PTPN4: variants seen among roughly 807,000 people sequenced by gnomAD.
PTPN4 encodes tyrosine-protein phosphatase non-receptor type 4.
Under a neutral mutation model 135.5 loss-of-function variants are expected in PTPN4, and 49 were observed. The observed-to-expected ratio is 0.36, with a 90% CI of 0.29 to 0.46. The LOEUF is 0.46. PTPN4 is among the 20% of genes least tolerant of loss of function. PTPN4 has a pLI of 1.00. For synonymous variants in PTPN4, 333 were observed against 369.9 expected (o/e 0.90, Z 1.14); for missense variants, 860 against 1,101.0 (o/e 0.78, Z 3.10).
chr2:119,847,054 A>C (rs979276201), intron 2 of PTPN4, among the ~76,000 whole-genome samples: 1 of 150,710 alleles, frequency 6.6e-6, no homozygotes, highest in Non-Finnish European at 1.5e-5. Flanking sequence ...TTAGCCTTCT[A>C]TTGATCATTT....
chr2:119,915,571 A>G (rs1678641294), intron 11 of PTPN4: 1 of 171,212 alleles, frequency 5.8e-6, no homozygotes, highest in African/African-American at 2.4e-5. Context: ...TTTCCCTACT[A>G]AATCTATAGT....
chr2:119,786,261 A>AT (rs1317490071), intron 1 of PTPN4, among the ~76,000 whole-genome samples: 1 of 152,156 alleles, frequency 6.6e-6, no homozygotes, highest in African/African-American at 2.4e-5. Flanking sequence ...TATGACTCGT[A>AT]TTTTTTGTGT....
intron 26 of PTPN4, among the ~76,000 whole-genome samples, chr2:119,970,057 A>G (rs1205392063): frequency 6.6e-6 from 1 of 151,184 alleles, no homozygotes; most frequent in Non-Finnish European, 1.5e-5. Context: ...TTTTATTTTT[A>G]TTTTATTTTT....
In PTPN4 at chr2:119,887,662, A is replaced by T. The variant is rs143118311; in HGVS notation, c.675+1780A>T. Among the ~76,000 whole-genome samples the T allele has an allele frequency of 1.2e-4, 19 of 152,096 alleles. No homozygotes were observed. The East Asian group carries it at 3.5e-3, about 28-fold the overall frequency. ...CTTTCCCCAATGTAAGTTCTTGTTGACTTTGTTGAAGATCAGTTGGCTGTA... is the reference window on the plus strand; with the variant it reads ...CTTTCCCCAATGTAAGTTCTTGTTGTCTTTGTTGAAGATCAGTTGGCTGTA... On this transcript the variant is annotated intron_variant, in intron 9 of 26. Coordinates refer to ENST00000263708, the MANE Select transcript of PTPN4 (RefSeq NM_002830.4).
intron 2 of PTPN4, among the ~76,000 whole-genome samples, chr2:119,850,364 G>A (rs1365363986): frequency 1.3e-5 from 2 of 152,214 alleles, no homozygotes; most frequent in Non-Finnish European, 2.9e-5. Context: ...AGGCAAGGGT[G>A]ATTAGGGCTC....
At chr2:119,841,434 C>T (rs1278961868) in intron 2 of PTPN4, among the ~76,000 whole-genome samples, 1 of 152,120 alleles carries the variant, frequency 6.6e-6, no homozygotes, top group African/African-American at 2.4e-5. Context: ...TTACCTGCTA[C>T]TTTTCCTCTT....
chr2:119,844,349 A>G (rs1412309013), intron 2 of PTPN4, among the ~76,000 whole-genome samples: 2 of 113,954 alleles, frequency 1.8e-5, no homozygotes, highest in South Asian at 3.2e-4. Flanking sequence ...CGGGGGGCTG[A>G]CCCCCCCCCC....
At chr2:119,973,655 G>GTTT (rs70949378) in intron 26 of PTPN4, among the ~76,000 whole-genome samples, 3,515 of 38,324 alleles carry the variant, frequency 0.092, 1,046 homozygotes, top group East Asian at 0.16. Flanking sequence ...TTCATTTCTT[G>GTTT]TTTTTTTTTT....
At chr2:119,962,454 CAA>C (rs556358919) in intron 23 of PTPN4, among the ~76,000 whole-genome samples, 160 bp from the exon 24 acceptor site, 1 of 107,154 alleles carries the variant, frequency 9.3e-6, no homozygotes, top group Admixed American at 9.7e-5. Context: ...AACTCCATCG[CAA>C]AAAAAAAAAA....
At chr2:119,764,777 G>A (rs1038995966) in intron 1 of PTPN4, among the ~76,000 whole-genome samples, 2 of 151,944 alleles carry the variant, frequency 1.3e-5, no homozygotes, top group African/African-American at 4.8e-5. Context: ...ACTTTTAAAA[G>A]TTGCTAATTT....
chr2:119,778,790 A>G (rs1690885707), intron 1 of PTPN4, among the ~76,000 whole-genome samples: 1 of 152,184 alleles, frequency 6.6e-6, no homozygotes, highest in African/African-American at 2.4e-5. Context: ...GGTCGGTAAC[A>G]ATTGAGTAGA....
intron 1 of PTPN4, chr2:119,771,702 C>G (rs943897145): frequency 6.6e-6 from 1 of 152,168 alleles, no homozygotes; most frequent in Non-Finnish European, 1.5e-5. Context: ...CCTCTTCTCC[C>G]CTAATTTTCC....
intron 2 of PTPN4, among the ~76,000 whole-genome samples, chr2:119,834,013 T>C (rs1271410571): frequency 6.6e-6 from 1 of 152,220 alleles, no homozygotes; most frequent in East Asian, 1.9e-4. Flanking sequence ...CCCTCTCTTT[T>C]TTCCAGTGCC....
chr2:119,859,731 T>A (rs1004278483), intron 2 of PTPN4, among the ~76,000 whole-genome samples: 2 of 152,318 alleles, frequency 1.3e-5, no homozygotes, highest in Middle Eastern at 3.4e-3. Flanking sequence ...AGAGGAGATA[T>A]TATGAAGTAC....
chr2:119,870,381 A>G (rs1677893432), intron 3 of PTPN4, among the ~76,000 whole-genome samples: 2 of 152,194 alleles, frequency 1.3e-5, no homozygotes, highest in Non-Finnish European at 2.9e-5. Flanking sequence ...CATAATGAGG[A>G]ATGCTCAGTA....
At chr2:119,836,239 T>C (rs1677292033) in intron 2 of PTPN4, among the ~76,000 whole-genome samples, 1 of 152,224 alleles carries the variant, frequency 6.6e-6, no homozygotes, top group Non-Finnish European at 1.5e-5. Flanking sequence ...ATTATTATAG[T>C]TAAAGCTAGG....
intron 1 of PTPN4, among the ~76,000 whole-genome samples, chr2:119,782,888 T>C (rs1426245862): frequency 6.8e-6 from 1 of 147,962 alleles, no homozygotes; most frequent in Non-Finnish European, 1.5e-5. Flanking sequence ...AAAAAAAATG[T>C]GTAGAGACAG....
chr2:119,916,482 G>A (rs1042558372), intron 11 of PTPN4: 4 of 152,206 alleles, frequency 2.6e-5, no homozygotes, highest in African/African-American at 9.6e-5. Flanking sequence ...TTTTTTTCAA[G>A]AGAATTTTTA....
intron 1 of PTPN4, among the ~76,000 whole-genome samples, chr2:119,787,562 C>A (rs1350441249): frequency 6.6e-6 from 1 of 152,156 alleles, no homozygotes; most frequent in Non-Finnish European, 1.5e-5. Flanking sequence ...AATAGATTAG[C>A]TCTAGTAAGT....
Sources: allele counts gnomAD v4.1 joint callset (sites outside exome capture counted in the v4.1 genomes callset), GRCh38; gene constraint gnomAD v4.1.1; transcripts MANE v1.5; gene names NCBI Gene and HGNC (gene_info 2026-07-23, HGNC 2026-07-21).